The following COX17 variants were observed in gnomAD, a reference collection of about 807,000 sequenced individuals.
The protein encoded by COX17 is cytochrome c oxidase copper chaperone.
Under a neutral mutation model 6.3 loss-of-function variants are expected in COX17, and 1 was observed. The observed-to-expected ratio is 0.16, with a 90% confidence interval of 0.06 to 0.75. The LOEUF (loss-of-function observed/expected upper bound fraction) is 0.75. Ranked by LOEUF, COX17 falls within the 30% of genes least tolerant of loss-of-function variation. COX17 has a pLI of 0.77. For missense variants in COX17, 73 were observed against 81.2 expected, an observed-to-expected ratio of 0.90 and a Z score of 0.39; for synonymous variants, 26 against 30.5, an observed-to-expected ratio of 0.85 and a Z score of 0.49.
chr3:119,674,919 G>T (rs1378861528), intron 2 of COX17: 2 of 472,080 alleles, frequency 4.2e-6, no homozygotes, highest in Non-Finnish European at 7.6e-6. Flanking sequence ...AAAGGCTTTT[G>T]TCAAACCCTT....
chr3:119,670,868 T>G (rs1202913526), intron 2 of COX17, among the ~76,000 whole-genome samples: 2 of 152,110 alleles, frequency 1.3e-5, no homozygotes, highest in African/African-American at 4.8e-5. Context: ...GTACTAGTCC[T>G]TTAATTTCTT....
At chr3:119,675,452 T>G (rs2053090452) in intron 1 of COX17, 3 of 507,568 alleles carry the variant, frequency 5.9e-6, no homozygotes. Context: ...GGGGGAAATC[T>G]GATAAGAAAT....
At position 119,677,152 on chromosome 3, in the gene COX17, C is replaced by T. The variant is rs2053113442; in HGVS notation, c.107+52G>A. The T allele has an allele frequency of 2.0e-6, 3 of 1,477,538 alleles. No homozygotes were observed. In the African/African-American group the frequency reaches 4.2e-5, roughly 21 times the overall value. The allele number at this position is 1,477,538 out of a possible 1,614,324, so 91.5% of individuals were successfully genotyped here. ...CGTAGGGCAGAGGCACCGGAAGGCA[C>T]AGGCCGCGGCCCGGGGCTCGTCGGC... On this transcript the variant is annotated intron_variant, in intron 1 of 2. Transcript: ENST00000261070.
At chr3:119,674,867 C>A in intron 2 of COX17, 2 of 298,050 alleles carry the variant, frequency 6.7e-6, no homozygotes, top group African/African-American at 2.2e-5. Context: ...GAATATGTTT[C>A]TTTTAGTTCC....
intron 1 of COX17, chr3:119,676,995 C>A (rs1156323916): frequency 1.5e-6 from 1 of 660,062 alleles, no homozygotes; most frequent in Non-Finnish European, 2.7e-6. Flanking sequence ...ATCTCCAGAG[C>A]GCCGCAATGG....
intron 2 of COX17, among the ~76,000 whole-genome samples, chr3:119,670,255 T>G (rs1367043933): frequency 6.6e-6 from 1 of 152,092 alleles, no homozygotes; most frequent in Non-Finnish European, 1.5e-5. Flanking sequence ...TTCTCACACC[T>G]CTCCCAGTGC....
chr3:119,669,250 T>TTAAAAAAA (rs1262864116), downstream of COX17: 3 of 141,940 alleles, frequency 2.1e-5, no homozygotes, highest in African/African-American at 7.9e-5. Flanking sequence ...TTAAGAAAGT[T>TTAAAAAAA]AAAAAAAAAA....
downstream of COX17, chr3:119,669,362 T>C (rs1053994008): frequency 6.6e-6 from 1 of 152,134 alleles, no homozygotes; most frequent in Non-Finnish European, 1.5e-5. Context: ...ATTTCATTGG[T>C]TGAGGTCAGT....
intron 2 of COX17, among the ~76,000 whole-genome samples, chr3:119,674,105 G>T (rs187757887): frequency 1.3e-5 from 2 of 149,960 alleles, no homozygotes; most frequent in Non-Finnish European, 3.0e-5. Flanking sequence ...CTGCCGCCCT[G>T]TCTGGGATGT....
chr3:119,673,114 G>C lies in COX17; in HGVS notation c.*4+2031C>G, dbSNP rs568477168. ...GTTATTAAGTTAAAAGTGGTAGTGT[G>C]GTGTGGAAGTTAGGGTAGGGGCAAA... is the stretch of plus-strand genomic sequence containing the variant. On this transcript the variant is annotated intron_variant, in intron 2 of 2. Coordinates refer to ENST00000261070, the MANE Select transcript of COX17 (RefSeq NM_005694.2). Among the ~76,000 whole-genome samples the C allele has an allele frequency of 2.9e-4, 44 of 152,280 alleles. No homozygotes were observed. The Middle Eastern group carries it at 0.01, about 35-fold the overall frequency.
At position 119,671,393 on chromosome 3, in the gene COX17, G is replaced by A. The variant is rs549241764; in HGVS notation, c.*5-1728C>T. ...TGAGGTACAATTAAGATCTACTTAG[G>A]AATAACATTAAAATCTACAAAGGTT... On this transcript the variant is annotated intron_variant, in intron 2 of 2. Transcript: ENST00000261070. 2.0e-5 allele frequency among the ~76,000 whole-genome samples: 3 copies of A among 152,314 alleles called. No homozygotes were observed. The East Asian group carries it at 5.8e-4, about 29-fold the overall frequency.
intron 2 of COX17, among the ~76,000 whole-genome samples, chr3:119,670,345 T>A (rs1210641808): frequency 1.3e-5 from 2 of 152,152 alleles, no homozygotes; most frequent in African/African-American, 4.8e-5. Flanking sequence ...TGCAAATATT[T>A]CCTTCATTTA....
chr3:119,674,468 C>T (rs2053078390), intron 2 of COX17: 1 of 152,142 alleles, frequency 6.6e-6, no homozygotes, highest in Non-Finnish European at 1.5e-5. Flanking sequence ...TTTCAGAAAG[C>T]AATACTTCCG....
At chr3:119,673,919 G>C (rs1462510076) in intron 2 of COX17, among the ~76,000 whole-genome samples, 1 of 152,020 alleles carries the variant, frequency 6.6e-6, no homozygotes, top group South Asian at 2.1e-4. Flanking sequence ...TCTGGGAAGT[G>C]AGGAGTACCT....
Position 119,675,189 on chromosome 3 carries a change from G to A in COX17, c.152C>T (p.Ala51Val), listed in dbSNP as rs766719676. ...GEEHCGHLIE[A>V]HKECMRALGF... is the part of the protein sequence containing the mutation. ...TAGGGCTCTCATGCATTCCTTGTGG[G>A]CCTCAATTAGATGTCCACAGTGTTC... Residue 51 changes from alanine to valine, a missense_variant, in exon 2 of 3, where the codon GCC (alanine) becomes GTC (valine). By Grantham distance (64) the Ala-to-Val change is moderately conservative (BLOSUM62 0). Transcript: ENST00000261070. 1.2e-6 allele frequency: 2 copies of A among 1,613,230 alleles called. No individual in the cohort carries two copies. The highest frequency in any genetic ancestry group is 1.7e-6 in the Non-Finnish European group (2 of 1,179,368).
chr3:119,676,864 T>C, intron 1 of COX17: 1 of 702,324 alleles, frequency 1.4e-6, no homozygotes, highest in South Asian at 1.5e-5. Context: ...CAACACACAT[T>C]TGTAGGAAGG....
downstream of COX17, among the ~76,000 whole-genome samples, chr3:119,669,074 TA>T (rs1366826590): frequency 6.6e-6 from 1 of 152,156 alleles, no homozygotes; most frequent in South Asian, 2.1e-4. Flanking sequence ...TAGTCTATTT[TA>T]AAATGTAACT....
In COX17 at chr3:119,671,395, AT is replaced by A. The variant is rs1282389384; in HGVS notation, c.*5-1731del. 2.6e-5 allele frequency among the ~76,000 whole-genome samples: 4 copies of A among 152,254 alleles called. No homozygotes were observed. The East Asian group carries it at 7.7e-4, about 29-fold the overall frequency. ...AGGTACAATTAAGATCTACTTAGGA[AT>A]AACATTAAAATCTACAAAGGTTTTT... On this transcript the variant is annotated intron_variant, in intron 2 of 2. Coordinates refer to ENST00000261070, the MANE Select transcript of COX17 (RefSeq NM_005694.2).
intron 2 of COX17, among the ~76,000 whole-genome samples, chr3:119,673,347 A>G (rs926087887): frequency 2.0e-5 from 3 of 152,214 alleles, no homozygotes; most frequent in Admixed American, 6.5e-5. Flanking sequence ...ACTTTCTCAG[A>G]GCTTACATTC....
Sources: gnomAD v4.1 joint callset for allele counts (sites outside exome capture counted in the v4.1 genomes callset) on GRCh38, gnomAD v4.1.1 for gene constraint, MANE v1.5 for transcripts, NCBI Gene and HGNC (gene_info 2026-07-23, HGNC 2026-07-21) for gene names.